Variants in NRXN3 observed in about 807,000 individuals in gnomAD.
The protein encoded by NRXN3 is neurexin 3, also known as neurexin III.
Under a neutral mutation model 137.6 loss-of-function variants are expected in NRXN3, and 32 were observed. That is an observed-to-expected ratio of 0.23 (90% CI 0.18 to 0.31). The LOEUF (loss-of-function observed/expected upper bound fraction) is 0.31, where lower values mean the gene tolerates loss of function less well. NRXN3 is among the 10% of genes least tolerant of loss of function. The probability of loss-of-function intolerance (pLI) is 1.00; values close to 1 mark genes in which losing one functional copy is unlikely to be tolerated. For missense variants in NRXN3, 1,574 were observed against 2,062.5 expected (o/e 0.76, Z 4.59); for synonymous variants, 798 against 784.5 (o/e 1.02, Z -0.29).
At chr14:78,471,819 A>G (rs761487793) in intron 4 of NRXN3, among the ~76,000 whole-genome samples, 2 of 152,122 alleles carry the variant, frequency 1.3e-5, no homozygotes, top group African/African-American at 2.4e-5. Context: ...GCAAAGGGAC[A>G]CTCTATTGCT....
chr14:79,186,215 G>T (rs181585661), intron 15 of NRXN3, among the ~76,000 whole-genome samples: 1 of 150,772 alleles, frequency 6.6e-6, no homozygotes, highest in Non-Finnish European at 1.5e-5. Flanking sequence ...AAATAGAATT[G>T]CATCCAAACA....
At chr14:78,714,448 A>C (rs186351019) in intron 7 of NRXN3, among the ~76,000 whole-genome samples, 373 of 152,338 alleles carry the variant, frequency 2.4e-3, no homozygotes, top group African/African-American at 8.8e-3. Context: ...ATTTAAATAC[A>C]GGCAGGAACT....
At chr14:78,501,106 T>C (rs2095869803) in intron 4 of NRXN3, among the ~76,000 whole-genome samples, 1 of 152,200 alleles carries the variant, frequency 6.6e-6, no homozygotes, top group Non-Finnish European at 1.5e-5. Context: ...TTTATGTTAG[T>C]TATCTATGGC....
chr14:79,441,366 C>CT (rs869170695), intron 15 of NRXN3, among the ~76,000 whole-genome samples: 1,518 of 67,240 alleles, frequency 0.023, 328 homozygotes, highest in East Asian at 0.057. Context: ...AACAGAAAAT[C>CT]TTTTTTTTTT....
At chr14:79,637,289 A>ATATTAT (rs201895873) in intron 16 of NRXN3, among the ~76,000 whole-genome samples, 1 of 152,162 alleles carries the variant, frequency 6.6e-6, no homozygotes, top group African/African-American at 2.4e-5. Context: ...AGAAGAATTG[A>ATATTAT]TATTATTATT....
At chr14:78,214,120 C>CGTGGT (rs2063018771) in intron 1 of NRXN3, among the ~76,000 whole-genome samples, 1 of 152,208 alleles carries the variant, frequency 6.6e-6, no homozygotes, top group African/African-American at 2.4e-5. Context: ...GCCTTCTGGG[C>CGTGGT]CTGGTCTGGG....
At chr14:79,342,544 G>A (rs963944511) in intron 15 of NRXN3, among the ~76,000 whole-genome samples, 1 of 149,632 alleles carries the variant, frequency 6.7e-6, no homozygotes, top group African/African-American at 2.5e-5. Flanking sequence ...CCTACTTATT[G>A]TTTGTATCAG....
chr14:78,222,123 C>A (rs1400439822), intron 1 of NRXN3, among the ~76,000 whole-genome samples: 1 of 152,144 alleles, frequency 6.6e-6, no homozygotes, highest in African/African-American at 2.4e-5. Context: ...ATGGCCCCAA[C>A]ACAGAGTGTT....
chr14:79,581,645 A>G (rs764191291), intron 16 of NRXN3, among the ~76,000 whole-genome samples: 1 of 152,178 alleles, frequency 6.6e-6, no homozygotes, highest in Non-Finnish European at 1.5e-5. Flanking sequence ...AAGTCAAATT[A>G]TATTTCTCCC....
intron 15 of NRXN3, among the ~76,000 whole-genome samples, chr14:79,459,957 G>A (rs1011522364): frequency 5.9e-5 from 9 of 151,978 alleles, no homozygotes; most frequent in South Asian, 2.1e-4. Flanking sequence ...TTTCCTTAGC[G>A]GAAGTATCCT....
intron 15 of NRXN3, among the ~76,000 whole-genome samples, chr14:79,296,566 T>C (rs2084193793): frequency 6.6e-6 from 1 of 152,004 alleles, no homozygotes; most frequent in Non-Finnish European, 1.5e-5. Context: ...ATGGAGGACG[T>C]TGAGTAATAA....
chr14:78,828,979 T>A (rs537713504), intron 10 of NRXN3, among the ~76,000 whole-genome samples: 1 of 152,288 alleles, frequency 6.6e-6, no homozygotes, highest in East Asian at 1.9e-4. Flanking sequence ...TTTTGGACAT[T>A]TGATACTTGA....
At chr14:78,752,094 C>T (rs6574469) in intron 8 of NRXN3, among the ~76,000 whole-genome samples, 23,974 of 152,180 alleles carry the variant, frequency 0.16, 3,413 homozygotes, top group African/African-American at 0.38. Context: ...CTTGCACTTG[C>T]GATTTTGCCT....
chr14:79,354,895 G>A (rs1327057905), intron 15 of NRXN3, among the ~76,000 whole-genome samples: 2 of 152,194 alleles, frequency 1.3e-5, no homozygotes, highest in Non-Finnish European at 2.9e-5. Flanking sequence ...TATGAGGATT[G>A]TGAGAGATGA....
intron 16 of NRXN3, among the ~76,000 whole-genome samples, chr14:79,597,948 G>GTTAA (rs2153830541): frequency 6.6e-6 from 1 of 152,268 alleles, no homozygotes; most frequent in Non-Finnish European, 1.5e-5. Context: ...AACGTGAAGG[G>GTTAA]TTAAGCATTC....
At chr14:78,824,103 CTT>C (rs11387026) in intron 10 of NRXN3, among the ~76,000 whole-genome samples, 10 of 98,940 alleles carry the variant, frequency 1.0e-4, no homozygotes, top group African/African-American at 3.7e-4. Context: ...TCACCTGCTT[CTT>C]TTTTTTTTTT....
chr14:79,545,017 T>A (rs1167679758), intron 16 of NRXN3, among the ~76,000 whole-genome samples: 1 of 152,230 alleles, frequency 6.6e-6, no homozygotes, highest in Admixed American at 6.5e-5. Context: ...ATAGTAGAGA[T>A]AACCAAGATA....
intron 4 of NRXN3, among the ~76,000 whole-genome samples, chr14:78,626,846 C>T (rs1033581757): frequency 1.3e-5 from 2 of 152,240 alleles, no homozygotes; most frequent in African/African-American, 4.8e-5. Context: ...CCCGTCAGGG[C>T]TCACAGAGAG....
chr14:79,279,733 C>G (rs943246324), intron 15 of NRXN3: 3 of 987,376 alleles, frequency 3.0e-6, no homozygotes, highest in Non-Finnish European at 3.6e-6. Context: ...CCCAGGAACA[C>G]CCGAAGAACT....
Sources: gnomAD v4.1 joint callset for allele counts (sites outside exome capture counted in the v4.1 genomes callset) on GRCh38, gnomAD v4.1.1 for gene constraint, MANE v1.5 for transcripts, NCBI Gene and HGNC (gene_info 2026-07-23, HGNC 2026-07-21) for gene names.